MPPED2: variants seen among roughly 807,000 people sequenced by gnomAD.
MPPED2 encodes metallophosphoesterase domain containing 2.
Under a neutral mutation model 33.0 loss-of-function variants are expected in MPPED2, and 5 were observed. The ratio of observed to expected loss-of-function variants is 0.15; its 90% CI spans 0.08 to 0.32. MPPED2 has a LOEUF of 0.32. Ranked by LOEUF, MPPED2 falls within the 10% of genes least tolerant of loss-of-function variation. The pLI, the probability that MPPED2 is intolerant of heterozygous loss-of-function variation, is 1.00. For synonymous variants in MPPED2, 136 were observed against 141.9 expected, an observed-to-expected ratio of 0.96 and a Z score of 0.29; for missense variants, 275 against 372.1, an observed-to-expected ratio of 0.74 and a Z score of 2.15.
At chr11:30,582,015 A>G (rs747775197) in intron 1 of MPPED2, among the ~76,000 whole-genome samples, 2 of 152,212 alleles carry the variant, frequency 1.3e-5, no homozygotes, top group Non-Finnish European at 2.9e-5. Flanking sequence ...TGCTCCTCTG[A>G]TGTAAGATAT....
At chr11:30,441,562 G>A (rs1433900252) in intron 4 of MPPED2, among the ~76,000 whole-genome samples, 1 of 152,142 alleles carries the variant, frequency 6.6e-6, no homozygotes, top group Non-Finnish European at 1.5e-5. Context: ...CTTAATTATG[G>A]ATCCAAAAGA....
intron 1 of MPPED2, among the ~76,000 whole-genome samples, 199 bp from the exon 2 acceptor site, chr11:30,580,693 G>T (rs1750991907): frequency 6.6e-6 from 1 of 152,070 alleles, no homozygotes; most frequent in Admixed American, 6.6e-5. Flanking sequence ...CATATTGCTG[G>T]GTGCTAGCAA....
intron 4 of MPPED2, among the ~76,000 whole-genome samples, chr11:30,418,625 A>T (rs148581372): frequency 6.6e-6 from 1 of 152,224 alleles, no homozygotes; most frequent in African/African-American, 2.4e-5. Context: ...TAAGGCATAC[A>T]TGTAACAGAC....
At chr11:30,484,267 A>C (rs1323530258) in intron 4 of MPPED2, among the ~76,000 whole-genome samples, 1 of 152,142 alleles carries the variant, frequency 6.6e-6, no homozygotes, top group Admixed American at 6.5e-5. Flanking sequence ...GCTAGGTCTT[A>C]ACCACTTCTT....
intron 3 of MPPED2, among the ~76,000 whole-genome samples, chr11:30,534,042 T>C (rs1954679517): frequency 6.6e-6 from 1 of 152,058 alleles, no homozygotes; most frequent in Non-Finnish European, 1.5e-5. Context: ...CATTTACTGA[T>C]TAATCTACAC....
chr11:30,558,135 T>C (rs1465221240), intron 2 of MPPED2, among the ~76,000 whole-genome samples: 1 of 151,946 alleles, frequency 6.6e-6, no homozygotes, highest in Non-Finnish European at 1.5e-5. Context: ...CACACACATA[T>C]ACACACACAC....
intron 4 of MPPED2, among the ~76,000 whole-genome samples, chr11:30,422,018 A>G (rs1490462144): frequency 2.0e-5 from 3 of 152,180 alleles, no homozygotes; most frequent in African/African-American, 7.2e-5. Flanking sequence ...AATGGGGCAT[A>G]CAGAAGTGGG....
At chr11:30,449,104 G>C (rs1441923779) in intron 4 of MPPED2, among the ~76,000 whole-genome samples, 1 of 152,306 alleles carries the variant, frequency 6.6e-6, no homozygotes, top group South Asian at 2.1e-4. Context: ...AGCAGGGATT[G>C]TGTCTATTTT....
chr11:30,448,603 T>A (rs1361343872), intron 4 of MPPED2, among the ~76,000 whole-genome samples: 1 of 152,220 alleles, frequency 6.6e-6, no homozygotes, highest in Non-Finnish European at 1.5e-5. Flanking sequence ...AACTTTATTC[T>A]ACAAGGATGA....
chr11:30,570,835 C>G (rs952283386), intron 2 of MPPED2, among the ~76,000 whole-genome samples: 1 of 152,108 alleles, frequency 6.6e-6, no homozygotes, highest in Non-Finnish European at 1.5e-5. Context: ...CCAAATACCA[C>G]AAGTAAGCCA....
intron 4 of MPPED2, among the ~76,000 whole-genome samples, chr11:30,472,936 C>A (rs1446538579): frequency 6.6e-6 from 1 of 152,136 alleles, no homozygotes. Context: ...AGAATAGAAT[C>A]AAAAATATCA....
intron 4 of MPPED2, among the ~76,000 whole-genome samples, chr11:30,472,038 A>G (rs545871800): frequency 6.6e-6 from 1 of 152,284 alleles, no homozygotes; most frequent in East Asian, 1.9e-4. Context: ...TGTGCACAAC[A>G]TTTGGGTATA....
chr11:30,439,897 T>C (rs1316717686), intron 4 of MPPED2, among the ~76,000 whole-genome samples: 2 of 152,274 alleles, frequency 1.3e-5, no homozygotes, highest in African/African-American at 2.4e-5. Context: ...CTCAGTTTTC[T>C]CTGGTATAAA....
chr11:30,399,645 T>C (rs1370045985), intron 6 of MPPED2, among the ~76,000 whole-genome samples: 1 of 152,202 alleles, frequency 6.6e-6, no homozygotes, highest in Non-Finnish European at 1.5e-5. Flanking sequence ...TAGAAAGGTT[T>C]CCTTTGTAGC....
intron 5 of MPPED2, 89 bp downstream of exon 5, chr11:30,417,428 GA>G: frequency 1.1e-5 from 6 of 545,786 alleles, no homozygotes; most frequent in Non-Finnish European, 1.9e-5. Flanking sequence ...TTTTTTTTTG[GA>G]GGAAAATGAT....
intron 4 of MPPED2, among the ~76,000 whole-genome samples, chr11:30,457,496 C>T (rs948302108): frequency 6.6e-6 from 1 of 151,936 alleles, no homozygotes; most frequent in Non-Finnish European, 1.5e-5. Flanking sequence ...CCCAAGTTTG[C>T]AAAGTTTCAA....
rs910911038 is a variant in MPPED2 at position 30,585,642 on chromosome 11, C to T, written c.-122+400G>A. 6.6e-5 allele frequency among the ~76,000 whole-genome samples: 10 copies of T among 152,260 alleles called. No homozygotes were observed. The East Asian group carries it at 1.9e-3, about 30-fold the overall frequency. Reference sequence around the variant, plus strand: ...TCTCGCCGATACCCCCTCCTCTCCTCCTAAGAAATCCTGGCGGAGGAGGGA... The same window carrying T: ...TCTCGCCGATACCCCCTCCTCTCCTTCTAAGAAATCCTGGCGGAGGAGGGA... On this transcript the variant is annotated intron_variant, in intron 1 of 6. Coordinates refer to ENST00000358117, the MANE Select transcript of MPPED2 (RefSeq NM_001584.3).
chr11:30,517,564 G>A (rs140307054), intron 3 of MPPED2, among the ~76,000 whole-genome samples: 290 of 152,264 alleles, frequency 1.9e-3, no homozygotes, highest in Non-Finnish European at 2.9e-3. Context: ...TATCCACGTC[G>A]AGAAGACGTA....
downstream of MPPED2, chr11:30,410,223 A>G (rs1347250420): frequency 2.0e-6 from 2 of 985,860 alleles, no homozygotes; most frequent in East Asian, 2.3e-4. Flanking sequence ...AACAGCACGA[A>G]TTTAAAAATC....
Sources: gnomAD v4.1 joint callset for allele counts (sites outside exome capture counted in the v4.1 genomes callset) on GRCh38, gnomAD v4.1.1 for gene constraint, MANE v1.5 for transcripts, NCBI Gene and HGNC (gene_info 2026-07-23, HGNC 2026-07-21) for gene names.